The following PDE6B variants were observed in gnomAD, a reference collection of about 807,000 sequenced individuals.
PDE6B encodes the protein phosphodiesterase 6B.
Under a neutral mutation model 109.0 loss-of-function variants are expected in PDE6B, and 106 were observed. The ratio of observed to expected loss-of-function variants is 0.97; its 90% CI spans 0.83 to 1.14. PDE6B has a LOEUF of 1.14. PDE6B is among the 50% of genes most tolerant of loss of function. The pLI is 0.00. For missense variants in PDE6B, 1,193 were observed against 1,155.6 expected, an observed-to-expected ratio of 1.03 and a Z score of -0.47; for synonymous variants, 490 against 471.3, an observed-to-expected ratio of 1.04 and a Z score of -0.51.
At position 626,288 on chromosome 4, in the gene PDE6B, G is replaced by T. The variant is rs573983413; in HGVS notation, c.468+194G>T. ...CCCTGGCCGCCTGCCTCTCCGACTC[G>T]GCTTCTGGCTCAAGCTGACATCGCA... On this transcript the variant is annotated intron_variant, in intron 1 of 21. Coordinates refer to ENST00000496514, the MANE Select transcript of PDE6B (RefSeq NM_000283.4). The surrounding 1 kb of genome is among the most constrained non-coding windows in gnomAD (Gnocchi z 4.6). Among the ~76,000 whole-genome samples the T allele has an allele frequency of 6.6e-6, 1 of 152,186 alleles. No individual in the cohort carries two copies. Among genetic ancestry groups the T allele is most frequent in the East Asian group, 1.9e-4 (1 of 5,188 alleles).
At position 663,146 on chromosome 4, in the gene PDE6B, C is replaced by G. The variant is rs371911345; in HGVS notation, c.1879C>G (p.Arg627Gly). 69 of 1,611,486 alleles carry G rather than the reference C, an allele frequency of 4.3e-5. No homozygotes were observed. Among genetic ancestry groups the G allele is most frequent in the Non-Finnish European group, 5.6e-5 (66 of 1,177,804 alleles). The change falls in exon 15 of 22, where the codon CGG (arginine) becomes GGG (glycine). Residue 627 changes from arginine (R) to glycine (G), a missense_variant. By Grantham distance (125) the Arg-to-Gly change is moderately radical (BLOSUM62 -2). Coordinates refer to ENST00000496514, the MANE Select transcript of PDE6B (RefSeq NM_000283.4). This position sits in a 1 kb window ranked among gnomAD's most constrained non-coding sequence, Gnocchi z 4.0. ...GCTCCACGGCTCCTCGATTTTGGAG[C>G]GGCACCACCTGGAGTTTGGGAAGTT... ...AKLHGSSILE[R>G]HHLEFGKFLL... is the part of the protein sequence containing the mutation.
chr4:642,725 C>CAGAAAAAAAAA (rs1553805595), intron 3 of PDE6B, among the ~76,000 whole-genome samples: 12 of 43,334 alleles, frequency 2.8e-4, no homozygotes, highest in African/African-American at 1.0e-3. Context: ...GACACTGTCT[C>CAGAAAAAAAAA]AAAAAAAAAA....
intron 3 of PDE6B, chr4:652,447 T>G (rs778611923): frequency 1.2e-5 from 12 of 960,536 alleles, no homozygotes; most frequent in Non-Finnish European, 1.5e-5. Flanking sequence ...AGCAGAGACG[T>G]TGGTGAAAGG....
Position 648,616 on chromosome 4 carries a change from T to C in PDE6B, c.712-5236T>C, listed in dbSNP as rs1320210295. On this transcript the variant is annotated intron_variant, in intron 3 of 21. Transcript: ENST00000496514. The surrounding 1 kb of genome is among the most constrained non-coding windows in gnomAD (Gnocchi z 4.5). Reference sequence around the variant, plus strand: ...CTGGAGGCCCCTGCCATTCCCTTTCTGAAAAGCCTCTCGGACACTCCCATC... The same window carrying C: ...CTGGAGGCCCCTGCCATTCCCTTTCCGAAAAGCCTCTCGGACACTCCCATC... Among the ~76,000 whole-genome samples, 1 of 152,134 alleles carries C rather than the reference T, an allele frequency of 6.6e-6. No homozygotes were observed. The highest frequency in any genetic ancestry group is 2.4e-5 in the African/African-American group (1 of 41,418).
chr4:659,229 G>A (rs935700162), intron 11 of PDE6B, among the ~76,000 whole-genome samples: 1 of 152,212 alleles, frequency 6.6e-6, no homozygotes, highest in Admixed American at 6.5e-5. Context: ...GTCCCTGAGT[G>A]TGTTTGCATG....
At chr4:628,970 G>A (rs901765420) in intron 1 of PDE6B, among the ~76,000 whole-genome samples, 8 of 152,238 alleles carry the variant, frequency 5.3e-5, no homozygotes, top group Non-Finnish European at 1.2e-4. Context: ...AACCTTCCTG[G>A]AGCCTGGCCC....
chr4:630,817 G>C (rs898728049), intron 1 of PDE6B, among the ~76,000 whole-genome samples: 7 of 152,228 alleles, frequency 4.6e-5, no homozygotes, highest in African/African-American at 1.7e-4. Flanking sequence ...GAGACACAAA[G>C]AGGCTGCAGT....
chr4:661,644 T>C (rs1737114377), intron 12 of PDE6B: 1 of 154,010 alleles, frequency 6.5e-6, no homozygotes, highest in East Asian at 1.9e-4. Flanking sequence ...CAAATAATTT[T>C]CTGACCCTAA....
chr4:658,685 C>G (rs1214443636), intron 10 of PDE6B, among the ~76,000 whole-genome samples: 1 of 152,176 alleles, frequency 6.6e-6, no homozygotes, highest in Non-Finnish European at 1.5e-5. Flanking sequence ...CCTTGCATGG[C>G]CAGAGCCCTC....
intron 1 of PDE6B, 97 bp from the exon 2 acceptor site, chr4:634,580 G>A: frequency 9.8e-7 from 1 of 1,023,842 alleles, no homozygotes. Context: ...CACCTGGAGG[G>A]CAGCAGCCCC....
chr4:660,737 C>T, intron 12 of PDE6B, 124 bp downstream of exon 12: 1 of 825,946 alleles, frequency 1.2e-6, no homozygotes, highest in Non-Finnish European at 2.1e-6. Context: ...GTTCCAGATC[C>T]CACAGGAAGT....
chr4:657,088 TG>T lies in PDE6B; in HGVS notation c.1257+70del, dbSNP rs944603611. On this transcript the variant is annotated intron_variant, in intron 9 of 21. Coordinates refer to ENST00000496514, the MANE Select transcript of PDE6B (RefSeq NM_000283.4). Reference sequence around the variant, plus strand: ...TGCGAGGGGTGGGGCCTGTGCGGTGTGGGGGCCTCCCCGCCAAGCATTCGGC... The same window carrying T: ...TGCGAGGGGTGGGGCCTGTGCGGTGTGGGGCCTCCCCGCCAAGCATTCGGC... The T allele has an allele frequency of 5.1e-5, 76 of 1,496,474 alleles. 1 individual carries two copies. The African/African-American group carries it at 9.9e-4, about 20-fold the overall frequency. 92.7% of individuals were successfully genotyped at this position (1,496,474 alleles called of 1,614,324 possible).
chr4:670,101 C>T lies in PDE6B; in HGVS notation c.2559C>T (p.Ile853=), dbSNP rs1439971561. The T allele has an allele frequency of 1.9e-6, 3 of 1,612,344 alleles. No homozygotes were observed. Among genetic ancestry groups the T allele is most frequent in the Middle Eastern group, 1.6e-4 (1 of 6,078 alleles). ...CACCCAAGTCTTCAACCTGCTGTAT[C>T]CTGTGAGCACTGGTCCCATGGGGAC... ...GPAPKSSTCC[I]L is the part of the protein sequence containing the mutation. Residue 853 remains isoleucine, a synonymous_variant, in exon 22 of 22, where the codon ATC becomes ATT. Transcript: ENST00000496514.
rs1734662545 is a variant in PDE6B, at chr4:636,038, C to T, written c.711+69C>T. ...CCCTCCGCCCATCTCGCTGCCTGCA[C>T]AGAGGCGGGTGGTGGCAGGTGGTCT... On this transcript the variant is annotated intron_variant, in intron 3 of 21. Coordinates refer to ENST00000496514, the MANE Select transcript of PDE6B (RefSeq NM_000283.4). This position sits in a 1 kb window ranked among gnomAD's most constrained non-coding sequence, Gnocchi z 4.5. The T allele has an allele frequency of 3.3e-6, 3 of 922,562 alleles. No homozygotes were observed. Among genetic ancestry groups the T allele is most frequent in the South Asian group, 1.3e-5 (1 of 77,386 alleles). The allele number at this position is 922,562 out of a possible 1,614,324, so 57.1% of individuals were successfully genotyped here.
chr4:658,545 C>T (rs925409617), intron 10 of PDE6B, among the ~76,000 whole-genome samples: 3 of 152,050 alleles, frequency 2.0e-5, no homozygotes, highest in Admixed American at 1.3e-4. Context: ...CCAGGGGTCA[C>T]AGCTCTCTCT....
Position 626,864 on chromosome 4 carries a change from C to G in PDE6B, c.468+770C>G, listed in dbSNP as rs1392962031. Among the ~76,000 whole-genome samples the G allele has an allele frequency of 1.3e-5, 2 of 152,172 alleles. No homozygotes were observed. The highest frequency in any genetic ancestry group is 4.8e-5 in the African/African-American group (2 of 41,434). The stretch of plus-strand genomic sequence containing the variant: ...AGGTGCCTGCCAGACTGGGTGAGGG[C>G]AGCGGCCAGCAGAGACCTGGAAAGG... On this transcript the variant is annotated intron_variant, in intron 1 of 21. Transcript: ENST00000496514. This position sits in a 1 kb window ranked among gnomAD's most constrained non-coding sequence, Gnocchi z 4.6.
chr4:654,023 C>A, intron 4 of PDE6B, 31 bp downstream of exon 4: 1 of 1,613,754 alleles, frequency 6.2e-7, no homozygotes. Context: ...GGACCCCCTG[C>A]CTGGCCCGAC....
chr4:658,288 G>C (rs1736613297), intron 10 of PDE6B, among the ~76,000 whole-genome samples: 2 of 144,194 alleles, frequency 1.4e-5, no homozygotes, highest in African/African-American at 5.2e-5. Flanking sequence ...GGCGGGGGCA[G>C]GTCGTCCAGG....
At chr4:650,703 G>A (rs772559697) in intron 3 of PDE6B, among the ~76,000 whole-genome samples, 2 of 152,178 alleles carry the variant, frequency 1.3e-5, no homozygotes. Flanking sequence ...TGGAGGCTGC[G>A]GAGGCGAGAA....
Sources: gnomAD v4.1 joint callset for allele counts (sites outside exome capture counted in the v4.1 genomes callset) on GRCh38, gnomAD v4.1.1 for gene constraint, Gnocchi (gnomAD v3.1) non-coding constraint, MANE v1.5 for transcripts, NCBI Gene and HGNC (gene_info 2026-07-23, HGNC 2026-07-21) for gene names.